The following SIL1 variants were observed in gnomAD, a reference collection of about 807,000 sequenced individuals.
The protein encoded by SIL1 is SIL1 nucleotide exchange factor.
SIL1 carries 40 observed loss-of-function variants against 49.1 expected under a neutral mutation model. That is an observed-to-expected ratio of 0.81 (90% CI 0.63 to 1.06). The LOEUF is 1.06. Ranked by LOEUF, SIL1 falls within the 50% of genes least tolerant of loss-of-function variation. The pLI is 0.00. For synonymous variants in SIL1, 253 were observed against 250.8 expected, an observed-to-expected ratio of 1.01 and a Z score of -0.08; for missense variants, 500 against 572.6, an observed-to-expected ratio of 0.87 and a Z score of 1.29.
chr5:139,081,677 G>C (rs1390147356), intron 3 of SIL1, among the ~76,000 whole-genome samples: 1 of 152,044 alleles, frequency 6.6e-6, no homozygotes, highest in Admixed American at 6.5e-5. Context: ...TCAGGAGTTT[G>C]AGACCAGCCT....
intron 1 of SIL1, among the ~76,000 whole-genome samples, chr5:139,175,510 A>G (rs1438565062): frequency 1.3e-5 from 2 of 152,198 alleles, no homozygotes; most frequent in Non-Finnish European, 1.5e-5. Flanking sequence ...TCTCCCAACA[A>G]AGCAAAGCCC....
intron 4 of SIL1, among the ~76,000 whole-genome samples, chr5:139,046,307 G>A (rs924010468): frequency 6.6e-6 from 1 of 151,604 alleles, no homozygotes; most frequent in Non-Finnish European, 1.5e-5. Flanking sequence ...AGCCTGGGTA[G>A]CAGAGCAAGA....
At chr5:138,968,907 C>T (rs1003851989) in intron 7 of SIL1, among the ~76,000 whole-genome samples, 1 of 152,126 alleles carries the variant, frequency 6.6e-6, no homozygotes. Context: ...TCAGACTCCG[C>T]GACTGCCCTG....
Position 138,951,291 on chromosome 5 carries a change from G to A in SIL1, c.909C>T (p.Ala303=). 1.3e-6 allele frequency: 2 copies of A among 1,569,132 alleles called. No homozygotes were observed. Among genetic ancestry groups the A allele is most frequent in the Non-Finnish European group, 8.6e-7 (1 of 1,156,452 alleles). ...CCCCGAGCTTCAGGAACTGCCGCTG[G>A]GCATAGGGGAAGTGGCGCAGCAGGG... ...LCSLLRHFPY[A]QRQFLKLGGL... is the part of the protein sequence containing the mutation. The change falls in exon 9 of 10, where the codon GCC becomes GCT. Residue 303 remains alanine (A), a synonymous_variant. Transcript: ENST00000394817.
At chr5:138,955,753 CAGTG>C (rs1561803753) in intron 7 of SIL1, among the ~76,000 whole-genome samples, 2 of 152,228 alleles carry the variant, frequency 1.3e-5, no homozygotes, top group African/African-American at 4.8e-5. Flanking sequence ...AATTTCAAGA[CAGTG>C]AGAACAGAGC....
chr5:139,046,493 A>G (rs6882330), intron 4 of SIL1, among the ~76,000 whole-genome samples: 64,066 of 151,956 alleles, frequency 0.42, 14,373 homozygotes, highest in African/African-American at 0.59. Context: ...CACCTTGATC[A>G]TTTTCTTGCT....
At chr5:139,104,676 T>C (rs1280104421) in intron 3 of SIL1, among the ~76,000 whole-genome samples, 1 of 152,202 alleles carries the variant, frequency 6.6e-6, no homozygotes, top group Non-Finnish European at 1.5e-5. Context: ...CAAGGACACC[T>C]GTATATCCAG....
intron 1 of SIL1, among the ~76,000 whole-genome samples, chr5:139,150,600 T>TTC (rs1424870458): frequency 6.6e-6 from 1 of 152,104 alleles, no homozygotes; most frequent in Non-Finnish European, 1.5e-5. Context: ...GCACATGGCT[T>TTC]TGACGAATCT....
At chr5:139,062,089 C>T (rs1769603243) in intron 3 of SIL1, among the ~76,000 whole-genome samples, 1 of 152,216 alleles carries the variant, frequency 6.6e-6, no homozygotes, top group African/African-American at 2.4e-5. Flanking sequence ...CAAGTCTTGG[C>T]AAGATCCCTG....
intron 5 of SIL1, among the ~76,000 whole-genome samples, chr5:139,028,151 A>C (rs1768702201): frequency 6.6e-6 from 1 of 151,944 alleles, no homozygotes; most frequent in Admixed American, 6.6e-5. Context: ...GAAACTAGTG[A>C]CATCTGTCTC....
At chr5:138,974,055 T>C (rs1436551793) in intron 7 of SIL1, among the ~76,000 whole-genome samples, 1 of 152,164 alleles carries the variant, frequency 6.6e-6, no homozygotes, top group Non-Finnish European at 1.5e-5. Context: ...CGTGCACCCC[T>C]TGATATCAAA....
Position 139,121,153 on chromosome 5 carries a change from G to T in SIL1, c.126C>A (p.Asn42Lys). ...HQNLKEFALT[N>K]PEKSSTKETE... Reference sequence around the variant, plus strand: ...TTTCTTTGGTGCTGCTCTTCTCTGGGTTGGTCAGGGCAAACTCCTTCTGAG... The same window carrying T: ...TTTCTTTGGTGCTGCTCTTCTCTGGTTTGGTCAGGGCAAACTCCTTCTGAG... Residue 42 changes from asparagine (N) to lysine (K), a missense_variant, in exon 3 of 10, where the codon AAC (asparagine) becomes AAA (lysine). Coordinates refer to ENST00000394817, the MANE Select transcript of SIL1 (RefSeq NM_022464.5). 6.2e-7 allele frequency: 1 copy of T among 1,614,134 alleles called. No homozygotes were observed. Among genetic ancestry groups the T allele is most frequent in the African/African-American group, 1.3e-5 (1 of 75,034 alleles).
chr5:139,056,012 G>A (rs1162177994), intron 3 of SIL1, among the ~76,000 whole-genome samples: 2 of 151,660 alleles, frequency 1.3e-5, no homozygotes, highest in South Asian at 2.1e-4. Flanking sequence ...GCGTGATCTC[G>A]GCTCGCTACA....
intron 1 of SIL1, 72 bp from the exon 2 acceptor site, chr5:139,127,925 C>T: frequency 1.1e-6 from 1 of 923,136 alleles, no homozygotes; most frequent in Non-Finnish European, 1.7e-6. Flanking sequence ...CTGTGATTCC[C>T]ATGTCGTCAC....
intron 6 of SIL1, among the ~76,000 whole-genome samples, chr5:139,023,735 T>C (rs918644171): frequency 2.6e-5 from 4 of 152,218 alleles, no homozygotes; most frequent in African/African-American, 9.6e-5. Context: ...AAGTGCCATC[T>C]TCCTTAAAAC....
intron 7 of SIL1, among the ~76,000 whole-genome samples, chr5:138,967,739 G>A (rs540925215): frequency 6.6e-5 from 10 of 152,314 alleles, no homozygotes; most frequent in African/African-American, 1.4e-4. Flanking sequence ...ATGGGCCTCA[G>A]TCTAATGATG....
intron 3 of SIL1, among the ~76,000 whole-genome samples, chr5:139,069,614 T>G (rs1769784758): frequency 6.6e-6 from 1 of 152,130 alleles, no homozygotes; most frequent in Non-Finnish European, 1.5e-5. Flanking sequence ...TCAAGAAAGC[T>G]TTCCTGAAAT....
At chr5:139,156,613 G>C (rs1416652874) in intron 1 of SIL1, among the ~76,000 whole-genome samples, 2 of 152,316 alleles carry the variant, frequency 1.3e-5, no homozygotes, top group Non-Finnish European at 1.5e-5. Context: ...GAAGCTGAGG[G>C]AGATTTGACA....
chr5:139,151,749 T>C (rs1280111035), intron 1 of SIL1, among the ~76,000 whole-genome samples: 1 of 152,156 alleles, frequency 6.6e-6, no homozygotes, highest in Non-Finnish European at 1.5e-5. Context: ...ATGTGGAGTA[T>C]AAGCTCTAGC....
Sources: gnomAD v4.1 joint callset for allele counts (sites outside exome capture counted in the v4.1 genomes callset) on GRCh38, gnomAD v4.1.1 for gene constraint, MANE v1.5 for transcripts, NCBI Gene and HGNC (gene_info 2026-07-23, HGNC 2026-07-21) for gene names.